The following SDK1 variants were observed in gnomAD, a reference collection of about 807,000 sequenced individuals.
SDK1 encodes sidekick cell adhesion molecule 1, also known as protein sidekick-1.
In SDK1, 157 loss-of-function variants were observed where a neutral mutation model predicts 245.5. The ratio of observed to expected loss-of-function variants is 0.64; its 90% CI spans 0.56 to 0.73. The LOEUF (loss-of-function observed/expected upper bound fraction) is 0.73, where lower values mean the gene tolerates loss of function less well. SDK1 is among the 30% of genes least tolerant of loss of function. The pLI, the probability that SDK1 is intolerant of heterozygous loss-of-function variation, is 0.00. For missense variants in SDK1, 3,583 were observed against 3,002.3 expected (o/e 1.19, Z -4.52); for synonymous variants, 1,647 against 1,278.5 (o/e 1.29, Z -6.15).
intron 5 of SDK1, among the ~76,000 whole-genome samples, chr7:3,928,144 G>T (rs923878127): frequency 6.6e-6 from 1 of 152,136 alleles, no homozygotes; most frequent in South Asian, 2.1e-4. Flanking sequence ...TTCAAAAAAG[G>T]TATAGGAAAA....
chr7:4,008,502 G>A (rs1037205605), intron 14 of SDK1, among the ~76,000 whole-genome samples: 5 of 152,232 alleles, frequency 3.3e-5, no homozygotes, highest in Admixed American at 1.3e-4. Flanking sequence ...GGCCGGGGTC[G>A]GGTCATACAA....
intron 1 of SDK1, among the ~76,000 whole-genome samples, chr7:3,417,066 G>A (rs911235866): frequency 1.3e-5 from 2 of 152,002 alleles, no homozygotes; most frequent in Admixed American, 6.5e-5. Flanking sequence ...CCTAGCTACC[G>A]GGAAGGCTGA....
chr7:3,452,096 CA>C (rs1405978378), intron 1 of SDK1, among the ~76,000 whole-genome samples: 1 of 152,162 alleles, frequency 6.6e-6, no homozygotes, highest in Non-Finnish European at 1.5e-5. Flanking sequence ...TTAAGGATTT[CA>C]AGGGTAAGCC....
chr7:4,104,443 C>G (rs1454287918), intron 22 of SDK1, among the ~76,000 whole-genome samples: 2 of 152,138 alleles, frequency 1.3e-5, no homozygotes, highest in African/African-American at 4.8e-5. Context: ...TTGATTTGGC[C>G]CAGACTCTGT....
At chr7:3,370,135 T>C (rs1781186252) in intron 1 of SDK1, among the ~76,000 whole-genome samples, 1 of 152,214 alleles carries the variant, frequency 6.6e-6, no homozygotes, top group South Asian at 2.1e-4. Flanking sequence ...AAGATGTACA[T>C]ATGACTTGAG....
intron 38 of SDK1, among the ~76,000 whole-genome samples, chr7:4,215,380 G>A (rs1784738210): frequency 6.6e-6 from 1 of 152,248 alleles, no homozygotes; most frequent in Non-Finnish European, 1.5e-5. Flanking sequence ...GCTGGGCCAC[G>A]GGATTCGCTT....
intron 1 of SDK1, among the ~76,000 whole-genome samples, chr7:3,327,075 G>T (rs1286842676): frequency 6.6e-6 from 1 of 152,164 alleles, no homozygotes; most frequent in African/African-American, 2.4e-5. Flanking sequence ...TTCCAGAAAG[G>T]TAACCAGACT....
chr7:4,017,222 C>T lies in SDK1; in HGVS notation c.2472C>T (p.Ser824=). The T allele has an allele frequency of 6.2e-7, 1 of 1,614,038 alleles. No homozygotes were observed. The highest frequency in any genetic ancestry group is 1.3e-5 in the African/African-American group (1 of 75,034). ...PGEYQQRNIT[S]PEVNYCLVTD... is the part of the protein sequence containing the mutation. ...AGTACCAGCAGCGGAACATCACCAG[C>T]CCGGAGGTGAACTACTGCCTGGTGA... Residue 824 remains serine (S), a synonymous_variant, in exon 17 of 45, where the codon AGC becomes AGT. Transcript: ENST00000404826.
chr7:3,343,023 A>C (rs199862958), intron 1 of SDK1, among the ~76,000 whole-genome samples: 1 of 150,790 alleles, frequency 6.6e-6, no homozygotes, highest in Non-Finnish European at 1.5e-5. Context: ...AAAAGCACCA[A>C]ATGTTGGTGA....
At chr7:3,877,044 G>C (rs1781093583) in intron 5 of SDK1, among the ~76,000 whole-genome samples, 1 of 152,024 alleles carries the variant, frequency 6.6e-6, no homozygotes, top group African/African-American at 2.4e-5. Flanking sequence ...CTTACATTCA[G>C]AGGTGACGTG....
At chr7:3,856,810 A>G (rs902927433) in intron 5 of SDK1, among the ~76,000 whole-genome samples, 1 of 152,206 alleles carries the variant, frequency 6.6e-6, no homozygotes, top group Admixed American at 6.5e-5. Context: ...GCTATGTTAT[A>G]TGCTACTTAT....
Position 4,119,064 on chromosome 7 carries a change from G to A in SDK1, c.3823+4790G>A, listed in dbSNP as rs112769424. ...AAATGTTGAATTGTACAATTTAGGG[G>A]AATTGTATGATATATTAATAATCTC... On this transcript the variant is annotated intron_variant, in intron 25 of 44. Transcript: ENST00000404826. Among the ~76,000 whole-genome samples the A allele has an allele frequency of 8.1e-3, 1,197 of 148,232 alleles. 86 individuals are homozygous for A. The highest frequency in any genetic ancestry group is 0.023 in the African/African-American group (915 of 40,598).
At chr7:3,832,519 C>T (rs1296444321) in intron 5 of SDK1, among the ~76,000 whole-genome samples, 1 of 152,126 alleles carries the variant, frequency 6.6e-6, no homozygotes, top group Admixed American at 6.5e-5. Context: ...AATATTAAAT[C>T]AAGCCCACAG....
intron 5 of SDK1, among the ~76,000 whole-genome samples, chr7:3,901,083 C>A (rs1781773932): frequency 6.6e-6 from 1 of 152,174 alleles, no homozygotes; most frequent in South Asian, 2.1e-4. Context: ...TCAACATTGA[C>A]ATCTTTGAAA....
intron 1 of SDK1, among the ~76,000 whole-genome samples, chr7:3,500,798 G>C (rs1306282344): frequency 6.6e-6 from 1 of 151,224 alleles, no homozygotes; most frequent in South Asian, 2.1e-4. Context: ...TCCTATACTA[G>C]TCCTCTGTTT....
rs376977164 is a variant in SDK1 at position 3,526,614 on chromosome 7, G to A, written c.299-92466G>A. Among the ~76,000 whole-genome samples the A allele has an allele frequency of 8.1e-4, 124 of 152,274 alleles. 2 individuals carry two copies. Among genetic ancestry groups the A allele is most frequent in the Middle Eastern group, 6.8e-3 (2 of 294 alleles). On this transcript the variant is annotated intron_variant, in intron 1 of 44. Coordinates refer to ENST00000404826, the MANE Select transcript of SDK1 (RefSeq NM_152744.4). ...ATCACTTTGCTTGGGAACGCTGGAT[G>A]AAGTGGTTACTTTCATTTCTCTTTT...
chr7:3,462,024 A>G (rs1230056506), intron 1 of SDK1, among the ~76,000 whole-genome samples: 1 of 152,036 alleles, frequency 6.6e-6, no homozygotes, highest in Non-Finnish European at 1.5e-5. Flanking sequence ...TAACTACTGC[A>G]CCCTACCTCT....
chr7:3,921,014 G>C (rs1476974878), intron 5 of SDK1, among the ~76,000 whole-genome samples: 1 of 152,136 alleles, frequency 6.6e-6, no homozygotes, highest in Admixed American at 6.5e-5. Flanking sequence ...GCAATTCCTA[G>C]AGTTGAGATA....
intron 2 of SDK1, among the ~76,000 whole-genome samples, chr7:3,628,469 A>G (rs1169899695): frequency 6.6e-6 from 1 of 152,136 alleles, no homozygotes; most frequent in Non-Finnish European, 1.5e-5. Flanking sequence ...CCTTCTGCAG[A>G]AGGCATGATC....
Sources: gnomAD v4.1 joint callset for allele counts (sites outside exome capture counted in the v4.1 genomes callset) on GRCh38, gnomAD v4.1.1 for gene constraint, MANE v1.5 for transcripts, NCBI Gene and HGNC (gene_info 2026-07-23, HGNC 2026-07-21) for gene names.